The following ZFYVE9 variants were observed in gnomAD, a reference collection of about 807,000 sequenced individuals.
The protein encoded by ZFYVE9 is zinc finger FYVE domain-containing protein 9.
A neutral mutation model predicts 126.7 loss-of-function variants in ZFYVE9; 43 were observed. The observed-to-expected ratio is 0.34, with a 90% CI of 0.27 to 0.44. The LOEUF is 0.44. ZFYVE9 is among the 20% of genes least tolerant of loss of function. ZFYVE9 has a pLI of 1.00. For missense variants in ZFYVE9, 1,476 were observed against 1,697.0 expected, an observed-to-expected ratio of 0.87 and a Z score of 2.29; for synonymous variants, 521 against 597.4, an observed-to-expected ratio of 0.87 and a Z score of 1.87.
chr1:52,178,767 T>G (rs1644665787), intron 1 of ZFYVE9, among the ~76,000 whole-genome samples: 2 of 151,944 alleles, frequency 1.3e-5, no homozygotes, highest in Admixed American at 1.3e-4. Flanking sequence ...TAAATTAGAG[T>G]AGTAACATCT....
chr1:52,323,324 C>G (rs1274202511), intron 13 of ZFYVE9, among the ~76,000 whole-genome samples: 1 of 152,150 alleles, frequency 6.6e-6, no homozygotes, highest in Admixed American at 6.5e-5. Context: ...ACCAATACTC[C>G]CAGTCCTCCT....
chr1:52,178,925 C>T (rs939388430), intron 1 of ZFYVE9, among the ~76,000 whole-genome samples: 5 of 152,136 alleles, frequency 3.3e-5, no homozygotes, highest in Non-Finnish European at 7.4e-5. Flanking sequence ...CTACCTCAAC[C>T]TCCTGAGTAG....
At chr1:52,189,456 C>CT (rs1206817188) in intron 1 of ZFYVE9, among the ~76,000 whole-genome samples, 5 of 151,636 alleles carry the variant, frequency 3.3e-5, no homozygotes, top group Admixed American at 2.0e-4. Context: ...AGGCTGGTCT[C>CT]TAACTCCTGA....
intron 1 of ZFYVE9, among the ~76,000 whole-genome samples, chr1:52,184,197 TTA>T (rs148179153): frequency 6.9e-6 from 1 of 145,090 alleles, no homozygotes; most frequent in African/African-American, 2.5e-5. Context: ...ACAAGTGTCA[TTA>T]TATATATATA....
At chr1:52,255,517 G>A (rs1048789074) in intron 4 of ZFYVE9, among the ~76,000 whole-genome samples, 1 of 151,578 alleles carries the variant, frequency 6.6e-6, no homozygotes, top group East Asian at 1.9e-4. Context: ...CCTGGGAGGC[G>A]GCGGTTGCGG....
Position 52,238,766 on chromosome 1 carries a change from A to C in ZFYVE9, c.1349A>C (p.Lys450Thr), listed in dbSNP as rs1377700252. ...VGLADAGLDL[K>T]GTCISESEEC... ...TTGGCAGATGCAGGTCTAGATTTAA[A>C]AGGAACTTGCATTAGTGAAAGTGAA... Residue 450 changes from lysine (K) to threonine (T), a missense_variant, in exon 4 of 19, where the codon AAA (lysine) becomes ACA (threonine). Coordinates refer to ENST00000287727, the MANE Select transcript of ZFYVE9 (RefSeq NM_004799.4). 6.2e-7 allele frequency: 1 copy of C among 1,614,108 alleles called. No individual in the cohort carries two copies. The highest frequency in any genetic ancestry group is 2.2e-5 in the East Asian group (1 of 44,880).
In ZFYVE9 at chr1:52,337,783, G is replaced by A; in HGVS notation, c.3682G>A (p.Val1228Ile). 1 of 1,614,182 alleles carries A rather than the reference G, an allele frequency of 6.2e-7. No individual in the cohort carries two copies. Among genetic ancestry groups the A allele is most frequent in the South Asian group, 1.1e-5 (1 of 91,078 alleles). The stretch of plus-strand genomic sequence containing the variant: ...GTACTGATTCTTAGATGGTGTTATG[G>A]TCCAGATTACTGCAGAGAACATGGA... ...KSSIVEDGVM[V>I]QITAENMDSL... is the part of the protein sequence containing the mutation. The change falls in exon 16 of 19, where the codon GTC (valine) becomes ATC (isoleucine). Residue 1228 changes from valine (V) to isoleucine (I), a missense_variant. By Grantham distance (29) the Val-to-Ile change is conservative (BLOSUM62 3). Around this residue, in one of 2 missense-constraint regions of ZFYVE9, gnomAD observed 669 missense variants for 902.4 expected, o/e 0.74. Transcript: ENST00000287727.
intron 1 of ZFYVE9, among the ~76,000 whole-genome samples, chr1:52,177,400 G>A (rs555902538): frequency 6.4e-4 from 97 of 152,208 alleles, no homozygotes; most frequent in African/African-American, 2.0e-3. Flanking sequence ...CATCCGCCTC[G>A]CCGCACAAAG....
rs142682764 is a variant in ZFYVE9 at position 52,238,487 on chromosome 1, G to A, written c.1070G>A (p.Arg357Gln). 284 of 1,613,938 alleles carry A rather than the reference G, an allele frequency of 1.8e-4. No homozygotes were observed. Among genetic ancestry groups the A allele is most frequent in the Non-Finnish European group, 2.3e-4 (270 of 1,179,960 alleles). Residue 357 changes from arginine (R) to glutamine (Q), a missense_variant, in exon 4 of 19, where the codon CGG becomes CAG. Physicochemically the swap from Arg to Gln is conservative, Grantham distance 43 (BLOSUM62 1). Coordinates refer to ENST00000287727, the MANE Select transcript of ZFYVE9 (RefSeq NM_004799.4). ...TCTGGAAGGAATAATGACTGTGAAC[G>A]GTGTTCAGATTGCCTTGTGCCTAAT... ...NGSGRNNDCE[R>Q]CSDCLVPNEV...
chr1:52,193,419 A>G (rs1218804340), intron 1 of ZFYVE9, among the ~76,000 whole-genome samples: 1 of 148,414 alleles, frequency 6.7e-6, no homozygotes, highest in African/African-American at 2.5e-5. Flanking sequence ...AAAAAAGGAT[A>G]CACATGGCCG....
chr1:52,179,977 A>C, intron 1 of ZFYVE9: 1 of 955,202 alleles, frequency 1.0e-6, no homozygotes, highest in Admixed American at 1.7e-5. Context: ...GTGACAACAT[A>C]GGAAGATATG....
At chr1:52,179,288 A>G (rs1318316077) in intron 1 of ZFYVE9, among the ~76,000 whole-genome samples, 1 of 152,234 alleles carries the variant, frequency 6.6e-6, no homozygotes, top group Non-Finnish European at 1.5e-5. Context: ...CAGTGAAACC[A>G]TGTAGAGTGA....
In ZFYVE9 at chr1:52,307,500, G is replaced by A. The variant is rs1646095777; in HGVS notation, c.3438+3575G>A. Among the ~76,000 whole-genome samples, 4 of 152,310 alleles carry A rather than the reference G, an allele frequency of 2.6e-5. No homozygotes were observed. The South Asian group carries it at 8.3e-4, about 32-fold the overall frequency. ...CTTCTACCCACCTTGGCCTCCCAAA[G>A]TGCTAGAATTACAGGTGTGTGCCAC... On this transcript the variant is annotated intron_variant, in intron 13 of 18. Transcript: ENST00000287727.
intron 7 of ZFYVE9, among the ~76,000 whole-genome samples, chr1:52,268,911 C>T (rs1645660554): frequency 6.6e-6 from 1 of 152,108 alleles, no homozygotes; most frequent in Non-Finnish European, 1.5e-5. Flanking sequence ...AATTCTGTCC[C>T]CTTGCTACAT....
intron 2 of ZFYVE9, among the ~76,000 whole-genome samples, chr1:52,231,558 C>T (rs180867898): frequency 4.8e-4 from 73 of 152,160 alleles, no homozygotes; most frequent in African/African-American, 1.4e-3. Context: ...TATTTGCCTA[C>T]CTAAACTTAA....
In ZFYVE9 at chr1:52,301,795, A is replaced by C. The variant is rs1300798700; in HGVS notation, c.3334-2026A>C. ...CTCCCTGAAGGAGATTACTCCAATTACATATATATCAGGCTGCTTGAAATT... is the reference window on the plus strand; with the variant it reads ...CTCCCTGAAGGAGATTACTCCAATTCCATATATATCAGGCTGCTTGAAATT... On this transcript the variant is annotated intron_variant, in intron 12 of 18. Coordinates refer to ENST00000287727, the MANE Select transcript of ZFYVE9 (RefSeq NM_004799.4). Among the ~76,000 whole-genome samples the C allele has an allele frequency of 2.0e-5, 3 of 152,152 alleles. No homozygotes were observed. The East Asian group carries it at 5.8e-4, about 29-fold the overall frequency.
At chr1:52,214,524 G>A (rs1000646933) in intron 1 of ZFYVE9, among the ~76,000 whole-genome samples, 1 of 152,150 alleles carries the variant, frequency 6.6e-6, no homozygotes, top group African/African-American at 2.4e-5. Flanking sequence ...GCTACTTAGG[G>A]GAATGTATGT....
At chr1:52,283,682 T>G (rs1557499534) in intron 10 of ZFYVE9, among the ~76,000 whole-genome samples, 1 of 152,114 alleles carries the variant, frequency 6.6e-6, no homozygotes, top group Non-Finnish European at 1.5e-5. Context: ...AGAAATTAGG[T>G]CAGTGTTTGC....
intron 1 of ZFYVE9, among the ~76,000 whole-genome samples, chr1:52,178,595 C>T (rs1197773915): frequency 6.6e-6 from 1 of 152,052 alleles, no homozygotes; most frequent in Non-Finnish European, 1.5e-5. Flanking sequence ...TACCAAAGTG[C>T]TAGGATTACA....
Sources: gnomAD v4.1 joint callset for allele counts (sites outside exome capture counted in the v4.1 genomes callset) on GRCh38, gnomAD v4.1.1 for gene constraint, gnomAD v4.1.1 regional missense constraint, MANE v1.5 for transcripts, NCBI Gene and HGNC (gene_info 2026-07-23, HGNC 2026-07-21) for gene names.